EPHA7: variants seen among roughly 807,000 people sequenced by gnomAD.
The protein encoded by EPHA7 is ephrin type-A receptor 7.
EPHA7 carries 25 observed loss-of-function variants against 112.6 expected under a neutral mutation model. The observed-to-expected ratio is 0.22, with a 90% CI of 0.16 to 0.31. The LOEUF (loss-of-function observed/expected upper bound fraction) is 0.31. EPHA7 is among the 10% of genes least tolerant of loss of function. EPHA7 has a pLI of 1.00. For synonymous variants in EPHA7, 437 were observed against 406.5 expected (o/e 1.07, Z -0.90); for missense variants, 962 against 1,212.6 (o/e 0.79, Z 3.07).
intron 5 of EPHA7, among the ~76,000 whole-genome samples, chr6:93,287,126 C>T (rs1000549398): frequency 2.0e-5 from 3 of 152,184 alleles, no homozygotes; most frequent in Admixed American, 1.3e-4. Context: ...ATTACCTTCA[C>T]TCTTTTATAT....
intron 5 of EPHA7, among the ~76,000 whole-genome samples, chr6:93,323,167 G>T (rs1201088574): frequency 6.6e-6 from 1 of 151,404 alleles, no homozygotes; most frequent in East Asian, 1.9e-4. Context: ...CTACATATTC[G>T]TCTCTTTATG....
chr6:93,368,016 T>C (rs1776600882), intron 3 of EPHA7, among the ~76,000 whole-genome samples: 1 of 152,126 alleles, frequency 6.6e-6, no homozygotes, highest in African/African-American at 2.4e-5. Context: ...CAAATTATTA[T>C]TATTTGCATA....
intron 14 of EPHA7, among the ~76,000 whole-genome samples, chr6:93,249,407 A>G (rs1289028031): frequency 6.6e-6 from 1 of 152,188 alleles, no homozygotes; most frequent in African/African-American, 2.4e-5. Context: ...AAAGTAATTT[A>G]CTTTTAGAAA....
intron 5 of EPHA7, among the ~76,000 whole-genome samples, chr6:93,296,458 T>C (rs977792256): frequency 7.3e-5 from 10 of 136,568 alleles, no homozygotes; most frequent in Admixed American, 1.4e-4. Context: ...TATATAAATA[T>C]ATATATATGT....
intron 5 of EPHA7, among the ~76,000 whole-genome samples, chr6:93,324,181 C>G (rs1179317771): frequency 6.6e-6 from 1 of 150,730 alleles, no homozygotes; most frequent in African/African-American, 2.4e-5. Context: ...TTTTAAAAAT[C>G]TGCATTAAGT....
At chr6:93,297,998 A>C (rs1772761067) in intron 5 of EPHA7, among the ~76,000 whole-genome samples, 1 of 152,340 alleles carries the variant, frequency 6.6e-6, no homozygotes, top group African/African-American at 2.4e-5. Flanking sequence ...TTAAATAAGT[A>C]TCATTTCAGA....
intron 2 of EPHA7, 34 bp downstream of exon 2, chr6:93,414,669 A>T (rs773565235): frequency 2.6e-6 from 4 of 1,536,114 alleles, no homozygotes; most frequent in African/African-American, 1.4e-5. Flanking sequence ...TTCTTATTTT[A>T]AAAAAGTGAT....
intron 3 of EPHA7, among the ~76,000 whole-genome samples, chr6:93,382,817 A>G (rs1423558443): frequency 6.6e-6 from 1 of 152,162 alleles, no homozygotes; most frequent in Non-Finnish European, 1.5e-5. Flanking sequence ...AATATCCATG[A>G]AAAGGTCCCA....
rs200332323 is a variant in EPHA7 at position 93,390,569 on chromosome 6, C to CA, written c.832+19931dup. ...TTACTTTCAAATGGTTCAGCCAGGA[C>CA]AAAAAAAAAAAAAAAGTTTATACAC... On this transcript the variant is annotated intron_variant, in intron 3 of 16. Transcript: ENST00000369303. Among the ~76,000 whole-genome samples the CA allele has an allele frequency of 7.9e-3, 681 of 85,732 alleles. 6 individuals are homozygous for CA. Among genetic ancestry groups the CA allele is most frequent in the South Asian group, 0.037 (116 of 3,172 alleles). 56.2% of individuals were successfully genotyped at this position (85,732 alleles called of 152,430 possible).
At position 93,243,466 on chromosome 6, in the gene EPHA7, G is replaced by A; in HGVS notation, c.2957C>T (p.Ala986Val). 2.5e-6 allele frequency: 4 copies of A among 1,613,418 alleles called. No homozygotes were observed. Among genetic ancestry groups the A allele is most frequent in the Non-Finnish European group, 3.4e-6 (4 of 1,179,542 alleles). Residue 986 changes from alanine to valine, a missense_variant, in exon 17 of 17, where the codon GCA becomes GTA. Transcript: ENST00000369303. ...KIMSSIQTMR[A>V]QMLHLHGTGI... ...AGTTCCATGTAAATGTAGCATTTGT[G>A]CTCTCATAGTCTGAATGCTGCTCAT... is the stretch of plus-strand genomic sequence containing the variant.
At chr6:93,282,071 G>A (rs1771770729) in intron 5 of EPHA7, among the ~76,000 whole-genome samples, 1 of 151,886 alleles carries the variant, frequency 6.6e-6, no homozygotes, top group Admixed American at 6.6e-5. Context: ...TGTTTATAAC[G>A]TTGTCATGTA....
intron 5 of EPHA7, among the ~76,000 whole-genome samples, chr6:93,300,026 T>C (rs993071617): frequency 1.3e-5 from 2 of 152,124 alleles, no homozygotes; most frequent in African/African-American, 4.8e-5. Context: ...TACTGGGTAG[T>C]AGGCTTAGTA....
intron 5 of EPHA7, among the ~76,000 whole-genome samples, chr6:93,317,804 G>C (rs1773884124): frequency 6.6e-6 from 1 of 152,082 alleles, no homozygotes; most frequent in Admixed American, 6.5e-5. Flanking sequence ...GCTGGCTCCT[G>C]CTGCCATCAC....
chr6:93,305,026 ATTAAT>A (rs1440989641), intron 5 of EPHA7, among the ~76,000 whole-genome samples: 3 of 152,072 alleles, frequency 2.0e-5, no homozygotes, highest in African/African-American at 7.2e-5. Flanking sequence ...AATGTAGATT[ATTAAT>A]TTATTTTGTT....
chr6:93,338,231 G>GCTTCTCT (rs1280991070), intron 5 of EPHA7, among the ~76,000 whole-genome samples: 3 of 152,048 alleles, frequency 2.0e-5, no homozygotes, highest in Non-Finnish European at 4.4e-5. Flanking sequence ...GAAATCACAT[G>GCTTCTCT]CTTCTCTCTT....
At chr6:93,346,657 T>C (rs998331574) in intron 5 of EPHA7, among the ~76,000 whole-genome samples, 4 of 151,820 alleles carry the variant, frequency 2.6e-5, no homozygotes, top group Non-Finnish European at 5.9e-5. Context: ...GGTTATGCCC[T>C]GAAAAACTGT....
At chr6:93,357,826 G>A (rs981078898) in intron 4 of EPHA7, among the ~76,000 whole-genome samples, 18 of 152,028 alleles carry the variant, frequency 1.2e-4, no homozygotes, top group African/African-American at 4.3e-4. Context: ...GCTAATTTTT[G>A]TATTTTTGGT....
chr6:93,251,635 A>C (rs909618329), intron 14 of EPHA7, among the ~76,000 whole-genome samples: 1 of 151,882 alleles, frequency 6.6e-6, no homozygotes, highest in Non-Finnish European at 1.5e-5. Flanking sequence ...AAATCTATAT[A>C]GTAAAAAACT....
At chr6:93,291,023 T>C (rs969708632) in intron 5 of EPHA7, among the ~76,000 whole-genome samples, 5 of 152,228 alleles carry the variant, frequency 3.3e-5, no homozygotes, top group Non-Finnish European at 7.3e-5. Context: ...CACTTACTAT[T>C]TGCAAATCAC....
Sources: gnomAD v4.1 joint callset for allele counts (sites outside exome capture counted in the v4.1 genomes callset) on GRCh38, gnomAD v4.1.1 for gene constraint, MANE v1.5 for transcripts, NCBI Gene and HGNC (gene_info 2026-07-23, HGNC 2026-07-21) for gene names.